Variants in SLC4A8 observed in about 807,000 individuals in gnomAD.
SLC4A8 encodes electroneutral sodium bicarbonate exchanger 1.
A neutral mutation model predicts 125.0 loss-of-function variants in SLC4A8; 40 were observed. That is an observed-to-expected ratio of 0.32 (90% CI 0.25 to 0.42). The LOEUF is 0.42. Ranked by LOEUF, SLC4A8 falls within the 10% of genes least tolerant of loss-of-function variation. The probability of loss-of-function intolerance (pLI) is 1.00; values close to 1 mark genes in which losing one functional copy is unlikely to be tolerated. For synonymous variants in SLC4A8, 456 were observed against 476.0 expected, an observed-to-expected ratio of 0.96 and a Z score of 0.55; for missense variants, 863 against 1,355.1, an observed-to-expected ratio of 0.64 and a Z score of 5.70.
chr12:51,441,793 G>A (rs17125773), intron 2 of SLC4A8, among the ~76,000 whole-genome samples: 11,132 of 152,268 alleles, frequency 0.073, 501 homozygotes, highest in East Asian at 0.21. Flanking sequence ...TTTTGATGGG[G>A]AGAACGGAAG....
chr12:51,453,759 AAAG>A (rs1950040843), intron 5 of SLC4A8, 60 bp downstream of exon 5: 1 of 1,531,410 alleles, frequency 6.5e-7, no homozygotes, highest in South Asian at 1.2e-5. Context: ...GTGTGGGAAA[AAAG>A]GAGTGTGGCG....
At chr12:51,453,464 G>T (rs1191596661) in intron 4 of SLC4A8, 75 bp from the exon 5 acceptor site, 1 of 1,441,654 alleles carries the variant, frequency 6.9e-7, no homozygotes, top group African/African-American at 1.4e-5. Flanking sequence ...TTCCTCTGTG[G>T]CTCACATCGA....
intron 5 of SLC4A8, among the ~76,000 whole-genome samples, chr12:51,455,338 G>C (rs1014644545): frequency 2.0e-5 from 3 of 151,750 alleles, no homozygotes; most frequent in East Asian, 3.9e-4. Flanking sequence ...TCAAGTGGGG[G>C]AAATAGCCAT....
chr12:51,418,546 G>A (rs1025054690), intron 1 of SLC4A8, among the ~76,000 whole-genome samples: 1 of 152,206 alleles, frequency 6.6e-6, no homozygotes, highest in African/African-American at 2.4e-5. Flanking sequence ...CATAGCTCTG[G>A]TTTTTGGTAA....
At chr12:51,470,623 A>G in intron 13 of SLC4A8, 98 bp downstream of exon 13, 5 of 1,156,418 alleles carry the variant, frequency 4.3e-6, no homozygotes, top group Non-Finnish European at 6.3e-6. Context: ...AGGCAATATC[A>G]TTTTGGATTG....
chr12:51,476,611 A>G (rs1282022202), intron 16 of SLC4A8, among the ~76,000 whole-genome samples: 1 of 152,210 alleles, frequency 6.6e-6, no homozygotes, highest in African/African-American at 2.4e-5. Context: ...GGAGAAGATA[A>G]TATAAAAAAG....
At chr12:51,473,787 C>T (rs1175750502) in intron 14 of SLC4A8, among the ~76,000 whole-genome samples, 2 of 152,154 alleles carry the variant, frequency 1.3e-5, no homozygotes, top group African/African-American at 2.4e-5. Flanking sequence ...CTACCATGAG[C>T]GGCCAGGGAA....
At chr12:51,392,138 A>T (rs1948132218) in intron 1 of SLC4A8, 1 of 152,550 alleles carries the variant, frequency 6.6e-6, no homozygotes, top group Non-Finnish European at 1.5e-5. Flanking sequence ...GCCAGGTATC[A>T]GGTGAATCCC....
chr12:51,424,285 G>A (rs929167016), upstream of SLC4A8, among the ~76,000 whole-genome samples: 1 of 151,930 alleles, frequency 6.6e-6, no homozygotes, highest in African/African-American at 2.4e-5. Context: ...TTGTGGAATT[G>A]CTTCAACAGT....
chr12:51,514,953 A>G lies in SLC4A8; in HGVS notation c.*7515A>G, dbSNP rs909271124. 3.3e-5 allele frequency: 5 copies of G among 152,222 alleles called. No homozygotes were observed. The highest frequency in any genetic ancestry group is 4.8e-5 in the African/African-American group (2 of 41,450). 9.4% of individuals were successfully genotyped at this position (152,222 alleles called of 1,614,324 possible). A position where few individuals can be genotyped will look rare whatever the true frequency, so the allele number is the denominator to read the frequency against. ...GAGATTCTGTGCTCAAAGGGAAGGG[A>G]ATGGTTTCTGATCCTTCTGAAGAGA... On this transcript the variant is annotated 3_prime_UTR_variant, in exon 25 of 25. Transcript: ENST00000453097.
At chr12:51,480,524 A>T (rs1005768954) in intron 16 of SLC4A8, 18 of 994,608 alleles carry the variant, frequency 1.8e-5, no homozygotes, top group African/African-American at 8.7e-5. Flanking sequence ...GTGGATGTTC[A>T]TGTGAAAGAT....
At chr12:51,466,092 T>A (rs917374088) in intron 11 of SLC4A8, among the ~76,000 whole-genome samples, 2 of 152,152 alleles carry the variant, frequency 1.3e-5, no homozygotes, top group African/African-American at 2.4e-5. Flanking sequence ...TGAAGTAGAC[T>A]CTAAGAAGAT....
chr12:51,411,800 G>A (rs1948602440), intron 1 of SLC4A8, among the ~76,000 whole-genome samples: 1 of 152,088 alleles, frequency 6.6e-6, no homozygotes, highest in Non-Finnish European at 1.5e-5. Context: ...AAAAAAAATT[G>A]TTGTCTGGGC....
chr12:51,428,793 C>T (rs1456383872), intron 1 of SLC4A8, among the ~76,000 whole-genome samples: 3 of 152,208 alleles, frequency 2.0e-5, no homozygotes. Flanking sequence ...AAGTGTTTTT[C>T]ATGCATTATC....
At chr12:51,406,996 C>T (rs1433107164) in intron 1 of SLC4A8, among the ~76,000 whole-genome samples, 1 of 152,200 alleles carries the variant, frequency 6.6e-6, no homozygotes, top group Non-Finnish European at 1.5e-5. Flanking sequence ...TAACAAAATA[C>T]CTGAGACGGG....
At chr12:51,452,878 C>T (rs1950010989) in intron 4 of SLC4A8, among the ~76,000 whole-genome samples, 3 of 152,182 alleles carry the variant, frequency 2.0e-5, no homozygotes, top group South Asian at 4.1e-4. Flanking sequence ...GTGAACCTTA[C>T]GGATGATGCC....
chr12:51,396,694 A>T lies in SLC4A8; in HGVS notation c.-112+5206A>T, dbSNP rs560263182. ...CCCATCTTTATTTAAAAAAAAAAAAAAGACTAGTTTCCTTCTAAGCCATAT... is the reference window on the plus strand; with the variant it reads ...CCCATCTTTATTTAAAAAAAAAAAATAGACTAGTTTCCTTCTAAGCCATAT... On this transcript the variant is annotated intron_variant, in intron 1 of 24. Coordinates refer to the SLC4A8 transcript ENST00000358657. 1.2e-3 allele frequency among the ~76,000 whole-genome samples: 175 copies of T among 151,682 alleles called. 2 individuals are homozygous for T. The South Asian group carries it at 0.034, about 30-fold the overall frequency.
chr12:51,470,540 T>C lies in SLC4A8; in HGVS notation c.1658+15T>C. The stretch of plus-strand genomic sequence containing the variant: ...AAATTCTGCAAGTAAGACATTTGTT[T>C]TTCTGAAAACTCTAACCAGATTTAG... On this transcript the variant is annotated intron_variant, in intron 13 of 24. Coordinates refer to ENST00000453097, the MANE Select transcript of SLC4A8 (RefSeq NM_001039960.3). 2.5e-6 allele frequency: 4 copies of C among 1,612,086 alleles called. No homozygotes were observed. The highest frequency in any genetic ancestry group is 3.4e-6 in the Non-Finnish European group (4 of 1,178,210).
At chr12:51,417,557 G>A (rs1201759265) in intron 1 of SLC4A8, among the ~76,000 whole-genome samples, 8 of 147,394 alleles carry the variant, frequency 5.4e-5, no homozygotes, top group African/African-American at 1.8e-4. Context: ...TCACACTGTC[G>A]CCCAGACTGG....
Sources: allele counts gnomAD v4.1 joint callset (sites outside exome capture counted in the v4.1 genomes callset), GRCh38; gene constraint gnomAD v4.1.1; transcripts MANE v1.5; gene names NCBI Gene and HGNC (gene_info 2026-07-23, HGNC 2026-07-21).